Variants in SFMBT2 observed in about 807,000 individuals in gnomAD.
The protein encoded by SFMBT2 is scm-like with four MBT domains protein 2.
In SFMBT2, 38 loss-of-function variants were observed where a neutral mutation model predicts 110.1. That is an observed-to-expected ratio of 0.35 (90% CI 0.27 to 0.45). SFMBT2 has a LOEUF of 0.45. Ranked by LOEUF, SFMBT2 falls within the 20% of genes least tolerant of loss-of-function variation. SFMBT2 has a pLI of 1.00. For synonymous variants in SFMBT2, 425 were observed against 425.4 expected, an observed-to-expected ratio of 1.00 and a Z score of 0.01; for missense variants, 1,011 against 1,094.9, an observed-to-expected ratio of 0.92 and a Z score of 1.08.
At chr10:7,276,832 C>A in intron 7 of SFMBT2, 60 bp downstream of exon 7, 1 of 824,256 alleles carries the variant, frequency 1.2e-6, no homozygotes, top group Non-Finnish European at 2.2e-6. Flanking sequence ...GGCCGGAAAA[C>A]TTTGTAGATG....
intron 11 of SFMBT2, among the ~76,000 whole-genome samples, chr10:7,217,381 A>T (rs562659257): frequency 1.2e-4 from 18 of 152,344 alleles, no homozygotes; most frequent in South Asian, 6.2e-4. Context: ...TCAATAAAAT[A>T]TCTCAATGAA....
intron 4 of SFMBT2, among the ~76,000 whole-genome samples, chr10:7,345,191 G>A (rs1173474997): frequency 6.6e-6 from 1 of 152,090 alleles, no homozygotes; most frequent in African/African-American, 2.4e-5. Flanking sequence ...AGACACCTTA[G>A]AAGGTGCCAG....
rs1837581280 is a variant in SFMBT2, at chr10:7,162,735, C to A, written c.*1035G>T. 6.6e-6 allele frequency: 1 copy of A among 152,212 alleles called. No individual in the cohort carries two copies. Among genetic ancestry groups the A allele is most frequent in the Non-Finnish European group, 1.5e-5 (1 of 68,040 alleles). 9.4% of individuals were successfully genotyped at this position (152,212 alleles called of 1,614,324 possible). A position where few individuals can be genotyped will look rare whatever the true frequency, so the allele number is the denominator to read the frequency against. On this transcript the variant is annotated 3_prime_UTR_variant, in exon 21 of 21. Transcript: ENST00000397167. ...ATCCGGCTACGATTAAACAACAACA[C>A]TGGAGATAGTTGAGGGTCTAGAAAA...
intron 4 of SFMBT2, among the ~76,000 whole-genome samples, chr10:7,338,051 CACATGTGACCTCCTAA>C (rs1843770344): frequency 6.6e-6 from 1 of 152,194 alleles, no homozygotes; most frequent in Admixed American, 6.5e-5. Flanking sequence ...CAGCCCTCCA[CACATGTGACCTCCTAA>C]ACCAAACCAA....
chr10:7,385,224 C>A (rs1371350491), intron 1 of SFMBT2, among the ~76,000 whole-genome samples: 2 of 152,158 alleles, frequency 1.3e-5, no homozygotes, highest in Non-Finnish European at 2.9e-5. Context: ...GCACCCTCCA[C>A]CCCTCACCTC....
intron 4 of SFMBT2, among the ~76,000 whole-genome samples, chr10:7,348,923 T>C (rs1844209300): frequency 1.3e-5 from 2 of 152,182 alleles, no homozygotes; most frequent in Admixed American, 6.5e-5. Flanking sequence ...GTAAGTTCCA[T>C]GTCTTGTCAC....
chr10:7,228,488 T>C, intron 9 of SFMBT2: 1 of 399,172 alleles, frequency 2.5e-6, no homozygotes. Flanking sequence ...CCCAGAGAAA[T>C]GAGGGAAGGA....
At chr10:7,228,584 G>A (rs1839970984) in intron 9 of SFMBT2, among the ~76,000 whole-genome samples, 1 of 151,998 alleles carries the variant, frequency 6.6e-6, no homozygotes, top group African/African-American at 2.4e-5. Context: ...AAAGCTCTGG[G>A]GGCAGTTTGG....
chr10:7,188,891 A>C (rs899294948), intron 15 of SFMBT2, among the ~76,000 whole-genome samples, 158 bp from the exon 16 acceptor site: 4 of 152,254 alleles, frequency 2.6e-5, no homozygotes, highest in African/African-American at 9.6e-5. Flanking sequence ...AACACTTGCC[A>C]GGCTAACACT....
In SFMBT2 at chr10:7,170,672, G is replaced by A. The variant is rs968950190; in HGVS notation, c.2544+256C>T. Reference sequence around the variant, plus strand: ...ACCCCTGCTGGGTGGTGTCACTAGAGCCTGGAAGAGTCACCCCTCCGCCCC... The same window carrying A: ...ACCCCTGCTGGGTGGTGTCACTAGAACCTGGAAGAGTCACCCCTCCGCCCC... On this transcript the variant is annotated intron_variant, in intron 20 of 20. Coordinates refer to ENST00000397167, the MANE Select transcript of SFMBT2 (RefSeq NM_001387889.1). This position sits in a 1 kb window ranked among gnomAD's most constrained non-coding sequence, Gnocchi z 4.6. Among the ~76,000 whole-genome samples, 1 of 152,094 alleles carries A rather than the reference G, an allele frequency of 6.6e-6. No individual in the cohort carries two copies. The highest frequency in any genetic ancestry group is 6.5e-5 in the Admixed American group (1 of 15,282).
intron 16 of SFMBT2, chr10:7,176,633 T>A: frequency 2.7e-6 from 1 of 372,926 alleles, no homozygotes; most frequent in Non-Finnish European, 3.7e-6. Context: ...GTCAAGACTG[T>A]GTATCATATT....
chr10:7,188,364 T>G (rs921880532), intron 16 of SFMBT2, among the ~76,000 whole-genome samples: 8 of 152,216 alleles, frequency 5.3e-5, no homozygotes, highest in African/African-American at 1.9e-4. Flanking sequence ...ACATACCAAG[T>G]TTTTATGATG....
At chr10:7,288,545 C>T (rs911166005) in intron 4 of SFMBT2, among the ~76,000 whole-genome samples, 1 of 152,126 alleles carries the variant, frequency 6.6e-6, no homozygotes. Context: ...AAAGGCTACA[C>T]CCTTTTTAAA....
chr10:7,166,494 C>T (rs552183543), intron 20 of SFMBT2, among the ~76,000 whole-genome samples: 1 of 152,218 alleles, frequency 6.6e-6, no homozygotes, highest in South Asian at 2.1e-4. Context: ...TATTTACTTG[C>T]CAATATTTAT....
At position 7,215,643 on chromosome 10, in the gene SFMBT2, G is replaced by A. The variant is rs768387071; in HGVS notation, c.1330+4768C>T. On this transcript the variant is annotated intron_variant, in intron 11 of 20. Coordinates refer to ENST00000397167, the MANE Select transcript of SFMBT2 (RefSeq NM_001387889.1). ...CTCACATCCATGGAGGCAGGGCCCC[G>A]CAGAGGCAGCACAGAACCCTGCAGG... 357 of 985,380 alleles carry A rather than the reference G, an allele frequency of 3.6e-4. 1 individual carries two copies. Among genetic ancestry groups the A allele is most frequent in the Non-Finnish European group, 4.1e-4 (339 of 829,922 alleles). The allele number at this position is 985,380 out of a possible 1,614,324, so 61.0% of individuals were successfully genotyped here.
chr10:7,393,012 TA>T (rs1564473001), intron 1 of SFMBT2, among the ~76,000 whole-genome samples: 12 of 87,806 alleles, frequency 1.4e-4, no homozygotes, highest in African/African-American at 6.6e-4. Context: ...TATATATATA[TA>T]TATATATATA....
chr10:7,200,525 T>C (rs1838919160), intron 13 of SFMBT2, 41 bp from the exon 14 acceptor site: 1 of 1,535,630 alleles, frequency 6.5e-7, no homozygotes, highest in African/African-American at 1.4e-5. Flanking sequence ...ACCACAAGCT[T>C]TAGAAGGAAC....
chr10:7,219,243 C>T (rs1440097698), intron 11 of SFMBT2, among the ~76,000 whole-genome samples: 2 of 152,202 alleles, frequency 1.3e-5, no homozygotes, highest in Non-Finnish European at 2.9e-5. Flanking sequence ...AATGTTGCCA[C>T]GTTGCCTGTG....
chr10:7,235,217 A>T (rs1446438532), intron 9 of SFMBT2, among the ~76,000 whole-genome samples: 2 of 152,138 alleles, frequency 1.3e-5, no homozygotes, highest in Non-Finnish European at 2.9e-5. Context: ...AAAAGAGATT[A>T]AAAAAATACC....
Sources: gnomAD v4.1 joint callset for allele counts (sites outside exome capture counted in the v4.1 genomes callset) on GRCh38, gnomAD v4.1.1 for gene constraint, Gnocchi (gnomAD v3.1) non-coding constraint, MANE v1.5 for transcripts, NCBI Gene and HGNC (gene_info 2026-07-23, HGNC 2026-07-21) for gene names.